Variants in MRPS22 observed in about 807,000 individuals in gnomAD.
MRPS22 encodes mitochondrial ribosomal protein S22.
A neutral mutation model predicts 44.0 loss-of-function variants in MRPS22; 30 were observed. The ratio of observed to expected loss-of-function variants is 0.68; its 90% CI spans 0.51 to 0.93. The LOEUF (loss-of-function observed/expected upper bound fraction) is 0.93, where lower values mean the gene tolerates loss of function less well. Ranked by LOEUF, MRPS22 falls within the 40% of genes least tolerant of loss-of-function variation. MRPS22 has a pLI of 0.00. For missense variants in MRPS22, 447 were observed against 447.8 expected (o/e 1.00, Z 0.02); for synonymous variants, 165 against 154.4 (o/e 1.07, Z -0.51).
At chr3:139,344,953 G>A (rs1470016452) in intron 1 of MRPS22, among the ~76,000 whole-genome samples, 1 of 152,112 alleles carries the variant, frequency 6.6e-6, no homozygotes, top group East Asian at 1.9e-4. Context: ...TAAATTTGAG[G>A]TGACTTTAAG....
chr3:139,346,259 TGTCATGCCCATCCCTA>T (rs1252538267), intron 1 of MRPS22, among the ~76,000 whole-genome samples: 3 of 152,138 alleles, frequency 2.0e-5, no homozygotes, highest in African/African-American at 7.2e-5. Flanking sequence ...TCTTTGACCC[TGTCATGCCCATCCCTA>T]GTCCAGGCTA....
At chr3:139,344,539 C>T in intron 1 of MRPS22, 1 of 610,856 alleles carries the variant, frequency 1.6e-6, no homozygotes, top group Non-Finnish European at 2.9e-6. Context: ...AGGGGACGCA[C>T]ACAGGAGAGG....
chr3:139,348,488 A>G (rs922494078), intron 3 of MRPS22, 164 bp downstream of exon 3: 6 of 685,926 alleles, frequency 8.7e-6, no homozygotes, highest in African/African-American at 1.8e-5. Flanking sequence ...TGAGAAATGC[A>G]GACCAGCCCC....
chr3:139,349,092 C>T (rs947405423), intron 3 of MRPS22: 2 of 330,092 alleles, frequency 6.1e-6, no homozygotes, highest in Non-Finnish European at 1.2e-5. Context: ...TGTTCAACAC[C>T]AGCCATCTGT....
intron 4 of MRPS22, 58 bp downstream of exon 4, chr3:139,350,380 C>G: frequency 1.3e-6 from 2 of 1,590,056 alleles, no homozygotes; most frequent in Admixed American, 1.7e-5. Flanking sequence ...TTTGTAGAAC[C>G]AGTTGGCTTT....
intron 6 of MRPS22, 90 bp from the exon 7 acceptor site, chr3:139,355,592 T>C: frequency 9.8e-7 from 1 of 1,016,126 alleles, no homozygotes; most frequent in South Asian, 1.3e-5. Flanking sequence ...GTCTGAAATG[T>C]AATTTAGTTT....
chr3:139,347,122 C>G (rs1163687897), intron 2 of MRPS22, 78 bp downstream of exon 2: 10 of 1,472,960 alleles, frequency 6.8e-6, no homozygotes, highest in Non-Finnish European at 9.5e-6. Flanking sequence ...CCTCCAGATG[C>G]TTATAGCTAT....
chr3:139,353,605 A>G (rs1324343083), intron 6 of MRPS22, among the ~76,000 whole-genome samples: 2 of 152,234 alleles, frequency 1.3e-5, no homozygotes, highest in African/African-American at 4.8e-5. Flanking sequence ...GGCATGTGGA[A>G]CTGAAAGTTC....
At position 139,347,010 on chromosome 3, in the gene MRPS22, C is replaced by T; in HGVS notation, c.305C>T (p.Thr102Ile). Residue 102 changes from threonine (T) to isoleucine (I), a missense_variant, in exon 2 of 8, where the codon ACC (threonine) becomes ATC (isoleucine). Transcript: ENST00000680020. ...GCTATACAAGAACTGAAGCCACCAA[C>T]CTATAAGCTAATGACTCAGGCACAG... ...KPAIQELKPP[T>I]YKLMTQAQLE... 6.2e-7 allele frequency: 1 copy of T among 1,614,166 alleles called. No individual in the cohort carries two copies. The highest frequency in any genetic ancestry group is 8.5e-7 in the Non-Finnish European group (1 of 1,180,038).
intron 6 of MRPS22, 160 bp from the exon 7 acceptor site, chr3:139,355,522 A>T: frequency 1.5e-6 from 1 of 688,948 alleles, no homozygotes; most frequent in Middle Eastern, 2.5e-4. Context: ...AATTTTCCTG[A>T]AAATGCTTTT....
chr3:139,356,853 A>C, intron 7 of MRPS22, 66 bp from the exon 8 acceptor site: 7 of 1,226,008 alleles, frequency 5.7e-6, no homozygotes, highest in Non-Finnish European at 7.1e-6. Context: ...TGATGTCTTA[A>C]AACTGAAAAA....
rs183391521 is a variant in MRPS22 at position 139,357,116 on chromosome 3, T to G, written c.*102T>G. ...ATGGCCAGATTAAAAGATATCAATT[T>G]GTAGTTCTCCCTACAAAGCAAAAAT... is the stretch of plus-strand genomic sequence containing the variant. On this transcript the variant is annotated 3_prime_UTR_variant, in exon 8 of 8. Coordinates refer to ENST00000680020, the MANE Select transcript of MRPS22 (RefSeq NM_020191.4). The G allele has an allele frequency of 1.2e-4, 119 of 1,003,248 alleles. No individual in the cohort carries two copies. In the African/African-American group the frequency reaches 1.3e-3, roughly 11 times the overall value. 62.1% of individuals were successfully genotyped at this position (1,003,248 alleles called of 1,614,324 possible).
At chr3:139,347,098 C>A in intron 2 of MRPS22, 54 bp downstream of exon 2, 1 of 1,590,132 alleles carries the variant, frequency 6.3e-7, no homozygotes, top group African/African-American at 1.3e-5. Context: ...GTTTAAACAA[C>A]ATTTCTAGAG....
At chr3:139,349,306 CTT>C (rs745782838) in intron 3 of MRPS22, 52 of 351,518 alleles carry the variant, frequency 1.5e-4, no homozygotes, top group Admixed American at 4.6e-4. Context: ...TTGGCATGTG[CTT>C]TTTTTTTTTC....
chr3:139,352,881 C>T (rs959378756), intron 6 of MRPS22, 89 bp downstream of exon 6: 1 of 1,359,664 alleles, frequency 7.4e-7, no homozygotes, highest in African/African-American at 1.4e-5. Context: ...CCAGTGATAA[C>T]AGTGTACTGT....
intron 4 of MRPS22, 55 bp from the exon 5 acceptor site, chr3:139,350,922 C>T: frequency 7.1e-7 from 1 of 1,412,524 alleles, no homozygotes; most frequent in South Asian, 1.2e-5. Flanking sequence ...GACATCAGGA[C>T]AGGTGCTGAA....
intron 2 of MRPS22, among the ~76,000 whole-genome samples, chr3:139,347,641 A>G (rs555861348): frequency 2.0e-5 from 3 of 152,334 alleles, no homozygotes; most frequent in Admixed American, 6.5e-5. Flanking sequence ...GCATGAAGCA[A>G]TGTAGTCAAT....
intron 3 of MRPS22, chr3:139,349,397 A>G (rs989798803): frequency 9.3e-6 from 4 of 429,196 alleles, no homozygotes; most frequent in African/African-American, 6.3e-5. Flanking sequence ...TGAAAACTTG[A>G]GAGTCAGTAC....
chr3:139,350,052 G>T, intron 3 of MRPS22, 127 bp from the exon 4 acceptor site: 1 of 1,052,738 alleles, frequency 9.5e-7, no homozygotes. Context: ...AATTATCATT[G>T]ATCTCATATG....
Sources: allele counts gnomAD v4.1 joint callset (sites outside exome capture counted in the v4.1 genomes callset), GRCh38; gene constraint gnomAD v4.1.1; transcripts MANE v1.5; gene names NCBI Gene and HGNC (gene_info 2026-07-23, HGNC 2026-07-21).